ZNF384: variants seen among roughly 807,000 people sequenced by gnomAD.
ZNF384 encodes the protein CAG repeat protein 1.
A neutral mutation model predicts 65.0 loss-of-function variants in ZNF384; 20 were observed. That is an observed-to-expected ratio of 0.31 (90% CI 0.22 to 0.45). The LOEUF is 0.45. Among genes scored for constraint, ZNF384 ranks in the 20% least tolerant of loss-of-function variants. The probability of loss-of-function intolerance (pLI) is 1.00; values close to 1 mark genes in which losing one functional copy is unlikely to be tolerated. For missense variants in ZNF384, 549 were observed against 769.4 expected, an observed-to-expected ratio of 0.71 and a Z score of 3.39; for synonymous variants, 310 against 303.9, an observed-to-expected ratio of 1.02 and a Z score of -0.21.
chr12:6,671,630 A>G (rs1447079834), intron 9 of ZNF384: 1 of 152,280 alleles, frequency 6.6e-6, no homozygotes, highest in Non-Finnish European at 1.5e-5. Flanking sequence ...CTTTAAGGTG[A>G]GATCATCACA....
Position 6,667,670 on chromosome 12 carries a change from C to G in ZNF384, c.*44G>C, listed in dbSNP as rs761314786. ...ACCAAGAGTTGGAGAAAGAAGACAC[C>G]AGGACTACTTCTTCCTCTTCCCAGT... On this transcript the variant is annotated 3_prime_UTR_variant, in exon 12 of 12. Coordinates refer to ENST00000683879, the MANE Select transcript of ZNF384 (RefSeq NM_001385745.1). 1.2e-6 allele frequency: 2 copies of G among 1,613,166 alleles called. No individual in the cohort carries two copies. Among genetic ancestry groups the G allele is most frequent in the Middle Eastern group, 1.6e-4 (1 of 6,084 alleles).
At chr12:6,677,853 G>T (rs1954281764) in intron 6 of ZNF384, among the ~76,000 whole-genome samples, 1 of 152,166 alleles carries the variant, frequency 6.6e-6, no homozygotes, top group African/African-American at 2.4e-5. Context: ...TTACAAGAGA[G>T]AAATTCTACT....
Position 6,678,167 on chromosome 12 carries a change from C to G in ZNF384, c.646G>C (p.Glu216Gln). ...EMNDPYVLSP[E>Q]DDDDHQKDGK... ...TCTTTCTGATGGTCATCATCATCCT[C>G]AGGGGAGAGGACATAAGGGTCATTC... The change falls in exon 6 of 12, where the codon GAG becomes CAG. Residue 216 changes from glutamate to glutamine, a missense_variant. Glu to Gln is a conservative substitution (Grantham distance 29, BLOSUM62 2). Around this residue, in one of 5 missense-constraint regions of ZNF384, gnomAD observed 277 missense variants for 337.2 expected, o/e 0.82. Coordinates refer to ENST00000683879, the MANE Select transcript of ZNF384 (RefSeq NM_001385745.1). This position sits in a 1 kb window ranked among gnomAD's most constrained non-coding sequence, Gnocchi z 4.9. The G allele has an allele frequency of 6.2e-7, 1 of 1,614,096 alleles. No homozygotes were observed. The highest frequency in any genetic ancestry group is 8.5e-7 in the Non-Finnish European group (1 of 1,179,976).
chr12:6,672,387 CCTT>C lies in ZNF384; in HGVS notation c.1147_1149del (p.Lys383del). ...TGGAGGTGGGAGAGCTGGCGGAAGG[CCTT>C]CTGGCAGTAGGAACAGTTGTAGGGC... On this transcript the variant is annotated inframe_deletion, in exon 9 of 12. Coordinates refer to ENST00000683879, the MANE Select transcript of ZNF384 (RefSeq NM_001385745.1). This position sits in a 1 kb window ranked among gnomAD's most constrained non-coding sequence, Gnocchi z 4.4. The C allele has an allele frequency of 6.2e-7, 1 of 1,613,962 alleles. No individual in the cohort carries two copies. The highest frequency in any genetic ancestry group is 8.5e-7 in the Non-Finnish European group (1 of 1,179,872).
In ZNF384 at chr12:6,678,864, C is replaced by T; in HGVS notation, c.304+82G>A. The T allele has an allele frequency of 6.6e-7, 1 of 1,504,874 alleles. No homozygotes were observed. The allele number at this position is 1,504,874 out of a possible 1,614,324, so 93.2% of individuals were successfully genotyped here. On this transcript the variant is annotated intron_variant, in intron 4 of 11. Coordinates refer to ENST00000683879, the MANE Select transcript of ZNF384 (RefSeq NM_001385745.1). The surrounding 1 kb of genome is among the most constrained non-coding windows in gnomAD (Gnocchi z 4.9). ...AATAATCAAACACATATCCCACTCC[C>T]CATGTCCTTGGAGCCCTCCAGCCTG...
chr12:6,682,947 G>A (rs1375749214), intron 2 of ZNF384, among the ~76,000 whole-genome samples: 1 of 152,328 alleles, frequency 6.6e-6, no homozygotes, highest in African/African-American at 2.4e-5. Context: ...GGAAAGAAAT[G>A]ACAGACAAGA....
intron 3 of ZNF384, 80 bp downstream of exon 3, chr12:6,679,375 C>A: frequency 7.1e-7 from 1 of 1,403,098 alleles, no homozygotes; most frequent in Non-Finnish European, 1.0e-6. Context: ...AGTAAAACAG[C>A]ATGTGGTGTA....
At chr12:6,675,186 A>C (rs1018835663) in intron 7 of ZNF384, among the ~76,000 whole-genome samples, 1 of 152,238 alleles carries the variant, frequency 6.6e-6, no homozygotes, top group Non-Finnish European at 1.5e-5. Context: ...GGGAATGAGC[A>C]ATCTCAGAAG....
intron 2 of ZNF384, among the ~76,000 whole-genome samples, chr12:6,682,143 GAAAAAAAAAAAAGAAA>G (rs1025232274): frequency 5.6e-5 from 6 of 107,790 alleles, no homozygotes; most frequent in Admixed American, 4.8e-4. Flanking sequence ...AAAAAAAATT[GAAAAAAAAAAAAGAAA>G]AAGAAAAAAA....
intron 10 of ZNF384, 128 bp from the exon 11 acceptor site, chr12:6,669,317 A>C (rs1950604830): frequency 1.1e-6 from 1 of 931,672 alleles, no homozygotes; most frequent in African/African-American, 1.7e-5. Flanking sequence ...AGAAAGTAGA[A>C]ATTGTTTCAA....
Position 6,678,595 on chromosome 12 carries a change from C to G in ZNF384, c.352+68G>C. On this transcript the variant is annotated intron_variant, in intron 5 of 11. Coordinates refer to ENST00000683879, the MANE Select transcript of ZNF384 (RefSeq NM_001385745.1). The surrounding 1 kb of genome is among the most constrained non-coding windows in gnomAD (Gnocchi z 4.9). ...CCAACCCAGAGTACACAGGAAATCC[C>G]AAACCCTGTAGAAAAATAATGGTCT... The G allele has an allele frequency of 6.3e-7, 1 of 1,590,260 alleles. No individual in the cohort carries two copies. Among genetic ancestry groups the G allele is most frequent in the East Asian group, 2.2e-5 (1 of 44,672 alleles).
At chr12:6,680,179 G>A (rs761760155) in intron 2 of ZNF384, among the ~76,000 whole-genome samples, 2 of 152,088 alleles carry the variant, frequency 1.3e-5, no homozygotes, top group Non-Finnish European at 2.9e-5. Flanking sequence ...TGCCCAGGCT[G>A]GTCTTGAACT....
intron 3 of ZNF384, 133 bp downstream of exon 3, chr12:6,679,322 G>C (rs1423574390): frequency 1.5e-5 from 18 of 1,215,404 alleles, no homozygotes; most frequent in Non-Finnish European, 2.0e-5. Flanking sequence ...CTAGAGAGAA[G>C]CCCAGGCAGA....
chr12:6,673,654 T>G lies in ZNF384; in HGVS notation c.780-214A>C, dbSNP rs532284628. Among the ~76,000 whole-genome samples the G allele has an allele frequency of 2.6e-4, 40 of 152,306 alleles. 1 individual carries two copies. The highest frequency in any genetic ancestry group is 1.3e-4 in the Admixed American group (2 of 15,298). Reference sequence around the variant, plus strand: ...ATAAATGTTTGCTGAATGACTGGACTGCCTCCATGTGCAAAAATGTATTTC... The same window carrying G: ...ATAAATGTTTGCTGAATGACTGGACGGCCTCCATGTGCAAAAATGTATTTC... On this transcript the variant is annotated intron_variant, in intron 7 of 11. Coordinates refer to ENST00000683879, the MANE Select transcript of ZNF384 (RefSeq NM_001385745.1). The surrounding 1 kb of genome is among the most constrained non-coding windows in gnomAD (Gnocchi z 4.7).
chr12:6,678,995 G>C lies in ZNF384; in HGVS notation c.255C>G (p.Thr85=). The change falls in exon 4 of 12, where the codon ACC becomes ACG. Residue 85 remains threonine, a synonymous_variant. Transcript: ENST00000683879. This position sits in a 1 kb window ranked among gnomAD's most constrained non-coding sequence, Gnocchi z 4.9. The part of the protein sequence containing the change: ...QLTPHSQASV[T]QNITVVPVPS... ...GCACAGGGACCACCGTGATATTCTG[G>C]GTAACGGACGCTTGGCTGTGTGGGG... The C allele has an allele frequency of 1.2e-6, 2 of 1,614,024 alleles. No individual in the cohort carries two copies. Among genetic ancestry groups the C allele is most frequent in the Admixed American group, 3.3e-5 (2 of 60,010 alleles).
intron 1 of ZNF384, 121 bp from the exon 2 acceptor site, chr12:6,688,347 G>C (rs1378669280): frequency 6.6e-6 from 1 of 152,454 alleles, no homozygotes; most frequent in Non-Finnish European, 1.5e-5. Context: ...CCCCCAGCCA[G>C]CAATCCAAAG....
intron 2 of ZNF384, among the ~76,000 whole-genome samples, chr12:6,685,755 C>T (rs768591116): frequency 1.1e-4 from 14 of 124,214 alleles, no homozygotes; most frequent in East Asian, 7.2e-4. Context: ...CCAGCCTGGG[C>T]GACAGAGCGA....
Position 6,669,202 on chromosome 12 carries a change from G to A in ZNF384, c.1267-13C>T. On this transcript the variant is annotated splice_polypyrimidine_tract_variant and intron_variant, in intron 10 of 11. Coordinates refer to ENST00000683879, the MANE Select transcript of ZNF384 (RefSeq NM_001385745.1). The stretch of plus-strand genomic sequence containing the variant: ...GCCGTCTGTGGGACTGAGAAAATTG[G>A]GAGAAACCAGAATGAATACATTGTA... 1 of 1,598,480 alleles carries A rather than the reference G, an allele frequency of 6.3e-7. No homozygotes were observed. Among genetic ancestry groups the A allele is most frequent in the Non-Finnish European group, 8.5e-7 (1 of 1,169,862 alleles).
At chr12:6,675,535 G>A (rs1268630049) in intron 7 of ZNF384, among the ~76,000 whole-genome samples, 1 of 152,216 alleles carries the variant, frequency 6.6e-6, no homozygotes, top group Non-Finnish European at 1.5e-5. Context: ...ATGAAGTCAA[G>A]TAAGAGAGTC....
Sources: allele counts gnomAD v4.1 joint callset (sites outside exome capture counted in the v4.1 genomes callset), GRCh38; gene constraint gnomAD v4.1.1; regional missense constraint gnomAD v4.1.1; non-coding constraint Gnocchi (gnomAD v3.1); transcripts MANE v1.5; gene names NCBI Gene and HGNC (gene_info 2026-07-23, HGNC 2026-07-21).